Variants in ROBO2 observed in about 807,000 individuals in gnomAD.
ROBO2 encodes the protein roundabout homolog 2.
ROBO2 carries 53 observed loss-of-function variants against 160.8 expected under a neutral mutation model. The observed-to-expected ratio is 0.33, with a 90% CI of 0.26 to 0.41. The LOEUF is 0.41. ROBO2 is among the 10% of genes least tolerant of loss of function. The pLI is 1.00. For synonymous variants in ROBO2, 664 were observed against 611.7 expected (o/e 1.09, Z -1.26); for missense variants, 1,577 against 1,722.4 (o/e 0.92, Z 1.49).
intron 1 of ROBO2, among the ~76,000 whole-genome samples, chr3:77,067,086 G>T (rs1303935623): frequency 6.7e-6 from 1 of 149,892 alleles, no homozygotes; most frequent in African/African-American, 2.5e-5. Context: ...AAAACAGCTT[G>T]CCTTTGTTGC....
At chr3:77,439,051 A>G (rs527866968) in intron 2 of ROBO2, among the ~76,000 whole-genome samples, 5 of 152,088 alleles carry the variant, frequency 3.3e-5, no homozygotes, top group African/African-American at 1.2e-4. Context: ...AAAAATTGCA[A>G]AATACAAAAG....
rs1000318696 is a variant in ROBO2 at position 76,093,025 on chromosome 3, G to C, written c.109+155423G>C. Among the ~76,000 whole-genome samples the C allele has an allele frequency of 2.0e-5, 3 of 152,042 alleles. No homozygotes were observed. The South Asian group carries it at 6.2e-4, about 31-fold the overall frequency. ...GAAAACTTATTCTCCCTTTTCTGTT[G>C]AGTAAAACGTGGTTGATTATGTCTG... On this transcript the variant is annotated intron_variant, in intron 2 of 26. Coordinates refer to the ROBO2 transcript ENST00000487694.
chr3:76,622,261 A>AGAAAGAAAGAAAGAAAGAAGGAAG (rs2089239047), intron 2 of ROBO2, among the ~76,000 whole-genome samples: 1 of 64,992 alleles, frequency 1.5e-5, no homozygotes, highest in East Asian at 5.6e-4. Context: ...AAAGAAAGAA[A>AGAAAGAAAGAAAGAAAGAAGGAAG]GAAAGAAAGA....
intron 2 of ROBO2, among the ~76,000 whole-genome samples, chr3:76,608,269 G>C (rs2087811169): frequency 6.6e-6 from 1 of 152,154 alleles, no homozygotes; most frequent in African/African-American, 2.4e-5. Flanking sequence ...TTGTCTTCTT[G>C]AAGTGCCATC....
chr3:76,925,888 A>C (rs1363645163), intron 2 of ROBO2, among the ~76,000 whole-genome samples: 2 of 152,226 alleles, frequency 1.3e-5, no homozygotes, highest in Non-Finnish European at 2.9e-5. Flanking sequence ...GTTCAGAAAG[A>C]GCCTATAATC....
intron 2 of ROBO2, among the ~76,000 whole-genome samples, chr3:76,080,808 A>G (rs956019112): frequency 6.6e-6 from 1 of 152,234 alleles, no homozygotes; most frequent in South Asian, 2.1e-4. Context: ...AACAAAGAAG[A>G]GAAAATAGAT....
intron 2 of ROBO2, among the ~76,000 whole-genome samples, chr3:76,255,962 T>A (rs1295445370): frequency 6.6e-6 from 1 of 152,080 alleles, no homozygotes; most frequent in East Asian, 1.9e-4. Flanking sequence ...TACTTTCTTA[T>A]AGATATTTGT....
chr3:76,140,654 T>C (rs2071598841), intron 2 of ROBO2, among the ~76,000 whole-genome samples: 1 of 151,986 alleles, frequency 6.6e-6, no homozygotes, highest in Middle Eastern at 3.4e-3. Flanking sequence ...GATATCTTCT[T>C]CCTTAACTCT....
chr3:77,598,964 T>G (rs1028517630), intron 19 of ROBO2, among the ~76,000 whole-genome samples: 3 of 152,176 alleles, frequency 2.0e-5, no homozygotes, highest in Non-Finnish European at 1.5e-5. Context: ...AAAATGAATA[T>G]TCAGTTTCCA....
At chr3:77,021,372 T>C (rs964717665) in intron 2 of ROBO2, among the ~76,000 whole-genome samples, 1 of 152,124 alleles carries the variant, frequency 6.6e-6, no homozygotes. Flanking sequence ...ACATGAAAAC[T>C]AGAATTCCTG....
At chr3:77,108,300 A>G (rs769000836) in intron 2 of ROBO2, among the ~76,000 whole-genome samples, 30 of 105,486 alleles carry the variant, frequency 2.8e-4, no homozygotes, top group Non-Finnish European at 6.3e-4. Context: ...ACACATATGC[A>G]TATATATATA....
intron 2 of ROBO2, among the ~76,000 whole-genome samples, chr3:76,491,665 AATGCAT>A (rs1220481324): frequency 6.6e-6 from 1 of 152,306 alleles, no homozygotes; most frequent in Admixed American, 6.5e-5. Flanking sequence ...TTCTTAAGAA[AATGCAT>A]TCATTACAGT....
At chr3:76,498,764 C>T (rs1361107502) in intron 2 of ROBO2, among the ~76,000 whole-genome samples, 2 of 150,722 alleles carry the variant, frequency 1.3e-5, no homozygotes, top group Non-Finnish European at 3.0e-5. Flanking sequence ...CTCACTGCCA[C>T]TTCCGCCTCC....
intron 2 of ROBO2, among the ~76,000 whole-genome samples, chr3:77,181,703 G>C (rs1232317928): frequency 1.3e-5 from 2 of 151,938 alleles, no homozygotes; most frequent in African/African-American, 4.8e-5. Context: ...AGAAAATGAT[G>C]CTCAATATTC....
At chr3:76,799,536 C>T (rs1404517960) in intron 2 of ROBO2, among the ~76,000 whole-genome samples, 1 of 146,512 alleles carries the variant, frequency 6.8e-6, no homozygotes, top group African/African-American at 2.5e-5. Context: ...TGGCAGGATA[C>T]AAAATTAACA....
chr3:77,327,954 G>A (rs1225056380), intron 2 of ROBO2, among the ~76,000 whole-genome samples: 1 of 151,426 alleles, frequency 6.6e-6, no homozygotes, highest in Admixed American at 6.6e-5. Flanking sequence ...GGGAGGCTGA[G>A]GCATGAGAAT....
At chr3:76,469,688 T>C (rs1577412345) in intron 2 of ROBO2, among the ~76,000 whole-genome samples, 1 of 152,226 alleles carries the variant, frequency 6.6e-6, no homozygotes, top group Non-Finnish European at 1.5e-5. Flanking sequence ...AGTTAACTAC[T>C]CATCACCTTT....
intron 2 of ROBO2, among the ~76,000 whole-genome samples, chr3:76,852,334 C>A (rs2069493837): frequency 6.6e-6 from 1 of 152,030 alleles, no homozygotes; most frequent in Non-Finnish European, 1.5e-5. Flanking sequence ...TATATTTGTT[C>A]CCCAGATATT....
chr3:76,096,755 T>G lies in ROBO2; in HGVS notation c.109+159153T>G, dbSNP rs2069468169. Among the ~76,000 whole-genome samples the G allele has an allele frequency of 2.6e-5, 4 of 152,240 alleles. 1 individual carries two copies. Among genetic ancestry groups the G allele is most frequent in the Non-Finnish European group, 5.9e-5 (4 of 68,048 alleles). On this transcript the variant is annotated intron_variant, in intron 2 of 26. Transcript: ENST00000487694. ...GATAGGTGTTGCTATTATCTTCATT[T>G]CATAGAAAAGTAAACTGAAACATAA... is the stretch of plus-strand genomic sequence containing the variant.
Sources: gnomAD v4.1 joint callset for allele counts (sites outside exome capture counted in the v4.1 genomes callset) on GRCh38, gnomAD v4.1.1 for gene constraint, MANE v1.5 for transcripts, NCBI Gene and HGNC (gene_info 2026-07-23, HGNC 2026-07-21) for gene names.